MTAP: variants seen among roughly 807,000 people sequenced by gnomAD.
MTAP encodes the protein methylthioadenosine phosphorylase, also known as S-methyl-5'-thioadenosine phosphorylase.
MTAP carries 33 observed loss-of-function variants against 33.6 expected under a neutral mutation model. That is an observed-to-expected ratio of 0.98 (90% confidence interval 0.74 to 1.31). The LOEUF is 1.31. Ranked by LOEUF, MTAP falls within the 40% of genes most tolerant of loss-of-function variation. MTAP has a pLI of 0.00. For missense variants in MTAP, 367 were observed against 360.0 expected, an observed-to-expected ratio of 1.02 and a Z score of -0.16; for synonymous variants, 148 against 125.7, an observed-to-expected ratio of 1.18 and a Z score of -1.19.
In MTAP at chr9:21,863,050, A is replaced by C. The variant is rs1825784809; in HGVS notation, c.*1036A>C. On this transcript the variant is annotated 3_prime_UTR_variant, in exon 8 of 8. Coordinates refer to ENST00000644715, the MANE Select transcript of MTAP (RefSeq NM_002451.4). The stretch of plus-strand genomic sequence containing the variant: ...AGTTACATCTTTATTCTGCTAAAGA[A>C]GAGGATCATTGATTTCTGTACAGTC... 1.0e-6 allele frequency: 1 copy of C among 985,302 alleles called. No homozygotes were observed. The highest frequency in any genetic ancestry group is 1.2e-6 in the Non-Finnish European group (1 of 829,902). 61.0% of individuals were successfully genotyped at this position (985,302 alleles called of 1,614,324 possible).
chr9:21,825,648 G>A (rs1039953743), intron 4 of MTAP, among the ~76,000 whole-genome samples: 11 of 152,112 alleles, frequency 7.2e-5, no homozygotes, highest in African/African-American at 2.7e-4. Flanking sequence ...GACCAGCTTG[G>A]GCAACATAGT....
intron 1 of MTAP, among the ~76,000 whole-genome samples, chr9:21,883,331 A>G (rs1818048041): frequency 6.6e-6 from 1 of 152,108 alleles, no homozygotes; most frequent in Non-Finnish European, 1.5e-5. Context: ...CCACAATGAG[A>G]TACCTCTACA....
rs138931589 is a variant in MTAP, at chr9:21,830,569, G to A, written c.348-7339G>A. Among the ~76,000 whole-genome samples, 988 of 152,276 alleles carry A rather than the reference G, an allele frequency of 6.5e-3. 23 individuals carry two copies. The highest frequency in any genetic ancestry group is 0.061 in the East Asian group (316 of 5,184). ...AACTGGGGAAAGTATTTGACCTTTA[G>A]TCTGTCCTAAAAGAATGTCATCAGG... On this transcript the variant is annotated intron_variant, in intron 4 of 7. Transcript: ENST00000644715.
At chr9:21,880,484 T>C (rs975461347) in intron 1 of MTAP, among the ~76,000 whole-genome samples, 3 of 152,210 alleles carry the variant, frequency 2.0e-5, no homozygotes, top group Non-Finnish European at 4.4e-5. Flanking sequence ...CAACATAATC[T>C]TATACAGTAT....
intron 1 of MTAP, among the ~76,000 whole-genome samples, chr9:21,918,073 C>T (rs1311115573): frequency 2.6e-5 from 3 of 115,844 alleles, no homozygotes; most frequent in South Asian, 2.6e-4. Flanking sequence ...ATTAATGGGC[C>T]GGGCGCGGTG....
intron 5 of MTAP, among the ~76,000 whole-genome samples, chr9:21,848,796 G>C (rs901564498): frequency 6.6e-6 from 1 of 152,110 alleles, no homozygotes; most frequent in Admixed American, 6.5e-5. Context: ...CTAACTGTGG[G>C]AACCGCAGTC....
intron 4 of MTAP, among the ~76,000 whole-genome samples, chr9:21,833,947 C>T (rs1825036986): frequency 6.6e-6 from 1 of 152,202 alleles, no homozygotes; most frequent in South Asian, 2.1e-4. Context: ...CTCTTGAACT[C>T]ATTTTTCCTG....
chr9:21,853,868 A>C (rs888461971), intron 5 of MTAP, among the ~76,000 whole-genome samples: 1 of 152,244 alleles, frequency 6.6e-6, no homozygotes. Context: ...GTTAAGTTGA[A>C]AAGACTTTTT....
At position 21,818,317 on chromosome 9, in the gene MTAP, CTTTTTTTTTTTTTT is replaced by C. The variant is rs35709813; in HGVS notation, c.347+129_347+142del. 1.9e-4 allele frequency: 46 copies of C among 240,892 alleles called. 2 individuals are homozygous for C. The highest frequency in any genetic ancestry group is 1.3e-3 in the Middle Eastern group (1 of 760). 14.9% of individuals were successfully genotyped at this position (240,892 alleles called of 1,614,324 possible). On this transcript the variant is annotated intron_variant, in intron 4 of 7. Coordinates refer to ENST00000644715, the MANE Select transcript of MTAP (RefSeq NM_002451.4). ...GAGGGCAGTGCCACAGACTCGCTTG[CTTTTTTTTTTTTTT>C]TTTTTTTTTTTTTGGAGACGGAGCC...
chr9:21,881,065 T>C (rs1563858029), intron 1 of MTAP, among the ~76,000 whole-genome samples: 1 of 152,056 alleles, frequency 6.6e-6, no homozygotes, highest in African/African-American at 2.4e-5. Context: ...ACAGACATAT[T>C]GACAAATGGA....
At chr9:21,876,920 A>G (rs1254556403) in intron 1 of MTAP, among the ~76,000 whole-genome samples, 1 of 152,090 alleles carries the variant, frequency 6.6e-6, no homozygotes, top group Non-Finnish European at 1.5e-5. Context: ...TTTGATAGGA[A>G]TAGCATTCGA....
chr9:21,901,464 C>T (rs960037515), intron 1 of MTAP, among the ~76,000 whole-genome samples: 1 of 152,130 alleles, frequency 6.6e-6, no homozygotes, highest in Non-Finnish European at 1.5e-5. Flanking sequence ...TTGACTATCT[C>T]ATAAAGAATC....
intron 1 of MTAP, among the ~76,000 whole-genome samples, chr9:21,905,621 G>A (rs918549506): frequency 6.8e-6 from 1 of 147,728 alleles, no homozygotes; most frequent in African/African-American, 2.6e-5. Flanking sequence ...GCATAGGTGA[G>A]AGTTCAGGAA....
In MTAP at chr9:21,818,179, C is replaced by T. The variant is rs374210855; in HGVS notation, c.324C>T (p.Val108=). The change falls in exon 4 of 8, where the codon GTC becomes GTT. Residue 108 remains valine, a synonymous_variant. Coordinates refer to ENST00000644715, the MANE Select transcript of MTAP (RefSeq NM_002451.4). ...AGGAGATTCAGCCCGGCGATATTGT[C>T]ATTATTGATCAGTTCATTGACAGGT... The part of the protein sequence containing the change: ...LREEIQPGDI[V]IIDQFIDRTT... 1.2e-6 allele frequency: 2 copies of T among 1,613,914 alleles called. No homozygotes were observed. The highest frequency in any genetic ancestry group is 1.7e-6 in the Non-Finnish European group (2 of 1,179,982).
intron 1 of MTAP, among the ~76,000 whole-genome samples, chr9:21,889,290 C>A (rs1279022880): frequency 6.6e-6 from 1 of 151,942 alleles, no homozygotes; most frequent in Admixed American, 6.6e-5. Flanking sequence ...TCATCCATAT[C>A]CTATTTTATT....
chr9:21,806,294 G>T (rs572614889), intron 1 of MTAP, among the ~76,000 whole-genome samples: 3 of 152,182 alleles, frequency 2.0e-5, no homozygotes, highest in Admixed American at 2.0e-4. Flanking sequence ...CACAGAGATG[G>T]ATAAGATGTG....
intron 1 of MTAP, among the ~76,000 whole-genome samples, chr9:21,897,918 T>A (rs1165099290): frequency 6.6e-6 from 1 of 152,084 alleles, no homozygotes; most frequent in Non-Finnish European, 1.5e-5. Context: ...GAGCCCGCAT[T>A]GCCAAGTCAA....
chr9:21,820,006 A>G (rs1189306346), intron 4 of MTAP, among the ~76,000 whole-genome samples: 2 of 151,954 alleles, frequency 1.3e-5, no homozygotes, highest in Non-Finnish European at 2.9e-5. Context: ...TTTTTCTTGT[A>G]ACTTTGTTTG....
chr9:21,848,632 A>T (rs549761736), intron 5 of MTAP, among the ~76,000 whole-genome samples: 3 of 152,224 alleles, frequency 2.0e-5, no homozygotes, highest in Non-Finnish European at 1.5e-5. Flanking sequence ...GGAGTAGATT[A>T]GTCACTTTAG....
Sources: allele counts gnomAD v4.1 joint callset (sites outside exome capture counted in the v4.1 genomes callset), GRCh38; gene constraint gnomAD v4.1.1; transcripts MANE v1.5; gene names NCBI Gene and HGNC (gene_info 2026-07-23, HGNC 2026-07-21).